PTPRD: variants seen among roughly 807,000 people sequenced by gnomAD.
The protein encoded by PTPRD is protein tyrosine phosphatase receptor type D, also known as receptor-type tyrosine-protein phosphatase delta.
In PTPRD, 34 loss-of-function variants were observed where a neutral mutation model predicts 214.5. The observed-to-expected ratio is 0.16, with a 90% CI of 0.12 to 0.21. The LOEUF is 0.21. Ranked by LOEUF, PTPRD falls within the 10% of genes least tolerant of loss-of-function variation. The probability of loss-of-function intolerance (pLI) is 1.00; values close to 1 mark genes in which losing one functional copy is unlikely to be tolerated. For synonymous variants in PTPRD, 1,128 were observed against 845.7 expected (o/e 1.33, Z -5.79); for missense variants, 2,545 against 2,398.7 (o/e 1.06, Z -1.27).
In PTPRD at chr9:8,378,289, C is replaced by T. The variant is rs201025350; in HGVS notation, c.4387-1563G>A. Among the ~76,000 whole-genome samples, 11 of 152,132 alleles carry T rather than the reference C, an allele frequency of 7.2e-5. No homozygotes were observed. The East Asian group carries it at 1.2e-3, about 16-fold the overall frequency. On this transcript the variant is annotated intron_variant, in intron 37 of 45. Transcript: ENST00000381196. ...GATAATTCTTGAAGGAGAATACTGA[C>T]GTAGAGTGACCAGGCATGGGCATCT...
intron 12 of PTPRD, among the ~76,000 whole-genome samples, chr9:8,647,102 C>G (rs932343450): frequency 2.0e-5 from 3 of 152,114 alleles, no homozygotes; most frequent in Admixed American, 1.3e-4. Context: ...TGTAGCACAG[C>G]CAGATTACAG....
intron 2 of PTPRD, among the ~76,000 whole-genome samples, chr9:10,590,395 A>G (rs529162374): frequency 1.3e-5 from 2 of 152,116 alleles, no homozygotes; most frequent in South Asian, 4.1e-4. Flanking sequence ...ACATATACCC[A>G]GGTAATTACT....
intron 36 of PTPRD, among the ~76,000 whole-genome samples, chr9:8,402,475 T>G (rs753054255): frequency 1.3e-5 from 2 of 152,174 alleles, no homozygotes; most frequent in Non-Finnish European, 2.9e-5. Flanking sequence ...AATGACCTAA[T>G]TCTTAGTGGA....
chr9:10,342,661 T>A (rs1597549498), intron 2 of PTPRD, among the ~76,000 whole-genome samples: 1 of 152,242 alleles, frequency 6.6e-6, no homozygotes, highest in East Asian at 1.9e-4. Context: ...TTTCCGCACC[T>A]TCTATTCCAT....
intron 11 of PTPRD, among the ~76,000 whole-genome samples, chr9:8,902,247 C>A (rs1430438549): frequency 6.6e-6 from 1 of 152,134 alleles, no homozygotes; most frequent in Non-Finnish European, 1.5e-5. Context: ...ACAGCAACTT[C>A]ACTGTGACCT....
At chr9:9,041,951 G>T (rs2099641225) in intron 10 of PTPRD, among the ~76,000 whole-genome samples, 1 of 152,122 alleles carries the variant, frequency 6.6e-6, no homozygotes, top group African/African-American at 2.4e-5. Flanking sequence ...CCTTTGTCTT[G>T]GCAGAAAACG....
Position 9,360,550 on chromosome 9 carries a change from G to A in PTPRD, c.-203+36899C>T, listed in dbSNP as rs146423798. 3.4e-3 allele frequency among the ~76,000 whole-genome samples: 519 copies of A among 151,000 alleles called. 2 individuals are homozygous for A. The highest frequency in any genetic ancestry group is 5.2e-3 in the Admixed American group (79 of 15,092). On this transcript the variant is annotated intron_variant, in intron 9 of 45. Coordinates refer to ENST00000381196, the MANE Select transcript of PTPRD (RefSeq NM_002839.4). ...TTACATCTCTGAAATAGGTAAATTGGGAAATTATCTAGAAGTAAAGCTGAT... is the reference window on the plus strand; with the variant it reads ...TTACATCTCTGAAATAGGTAAATTGAGAAATTATCTAGAAGTAAAGCTGAT...
At chr9:9,065,394 T>G (rs324503) in intron 10 of PTPRD, among the ~76,000 whole-genome samples, 17 of 152,144 alleles carry the variant, frequency 1.1e-4, no homozygotes, top group African/African-American at 3.4e-4. Flanking sequence ...AGCCAGTGCA[T>G]AGGCAAGGAG....
intron 9 of PTPRD, among the ~76,000 whole-genome samples, chr9:9,229,345 A>G (rs1316873943): frequency 1.3e-5 from 2 of 152,136 alleles, no homozygotes; most frequent in Non-Finnish European, 2.9e-5. Flanking sequence ...CAAGGGGCCC[A>G]GAGAATTAAG....
intron 14 of PTPRD, among the ~76,000 whole-genome samples, chr9:8,592,504 T>C (rs2094183395): frequency 6.6e-6 from 1 of 152,098 alleles, no homozygotes; most frequent in South Asian, 2.1e-4. Flanking sequence ...AGAGTAGAAA[T>C]TCCAAGGATT....
At chr9:8,379,857 G>A (rs1276206902) in intron 37 of PTPRD, among the ~76,000 whole-genome samples, 2 of 152,118 alleles carry the variant, frequency 1.3e-5, no homozygotes. Context: ...ATTCATGGAA[G>A]GTCAGGCAGA....
intron 11 of PTPRD, among the ~76,000 whole-genome samples, chr9:9,003,573 T>C (rs2099434100): frequency 6.6e-6 from 1 of 152,076 alleles, no homozygotes; most frequent in Non-Finnish European, 1.5e-5. Flanking sequence ...TTGGATGTCC[T>C]AATTTAATGC....
At chr9:8,473,326 A>C (rs1188197197) in intron 30 of PTPRD, among the ~76,000 whole-genome samples, 1 of 152,110 alleles carries the variant, frequency 6.6e-6, no homozygotes, top group African/African-American at 2.4e-5. Context: ...ACAGAGACCA[A>C]TATCTTTTAT....
intron 11 of PTPRD, among the ~76,000 whole-genome samples, chr9:8,738,812 G>A (rs4742535): frequency 0.7 from 106,939 of 151,892 alleles, 37,692 homozygotes; most frequent in South Asian, 0.77. Context: ...TTAAAACTAG[G>A]TATCATTGTT....
intron 8 of PTPRD, among the ~76,000 whole-genome samples, chr9:9,443,304 A>G (rs1216131836): frequency 6.6e-6 from 1 of 152,198 alleles, no homozygotes; most frequent in Non-Finnish European, 1.5e-5. Flanking sequence ...TCTGTTCTCT[A>G]CTTCTAGTTA....
intron 3 of PTPRD, among the ~76,000 whole-genome samples, chr9:10,193,139 C>A (rs2099379595): frequency 6.6e-6 from 1 of 152,098 alleles, no homozygotes; most frequent in Admixed American, 6.6e-5. Flanking sequence ...CAACCCCCTT[C>A]CCCGTTAAAT....
chr9:8,569,206 G>A (rs373264343), intron 14 of PTPRD, among the ~76,000 whole-genome samples: 10 of 152,020 alleles, frequency 6.6e-5, no homozygotes, highest in South Asian at 2.1e-4. Flanking sequence ...CCCAAGAACC[G>A]CTATCTCTTC....
rs1267613597 is a variant in PTPRD, at chr9:8,449,788, C to T, written c.3925G>A (p.Glu1309Lys). The T allele has an allele frequency of 6.2e-7, 1 of 1,614,062 alleles. No homozygotes were observed. Among genetic ancestry groups the T allele is most frequent in the Non-Finnish European group, 8.5e-7 (1 of 1,179,978 alleles). Reference protein sequence around the residue: ...SRKSSIPNNKEIPSHHPTDPV... With the variant: ...SRKSSIPNNKKIPSHHPTDPV... ...TCTGTTGGGTGGTGTGAAGGGATCT[C>T]CTTATTGTTCGGTATGCTGCTTTTT... is the stretch of plus-strand genomic sequence containing the variant. The change falls in exon 34 of 46, where the codon GAG (glutamate) becomes AAG (lysine). Residue 1309 changes from glutamate to lysine, a missense_variant. Glu to Lys is a moderately conservative substitution (Grantham distance 56). Transcript: ENST00000381196.
intron 4 of PTPRD, among the ~76,000 whole-genome samples, chr9:9,947,553 A>ATATATATTTTATATATAATATATATAT (rs1298502214): frequency 2.1e-4 from 6 of 28,604 alleles, no homozygotes; most frequent in African/African-American, 2.0e-3. Flanking sequence ...TATATATATT[A>ATATATATTTTATATATAATATATATAT]TATATATATT....
Sources: allele counts gnomAD v4.1 joint callset (sites outside exome capture counted in the v4.1 genomes callset), GRCh38; gene constraint gnomAD v4.1.1; transcripts MANE v1.5; gene names NCBI Gene and HGNC (gene_info 2026-07-23, HGNC 2026-07-21).